ZNF487: variants seen among roughly 807,000 people sequenced by gnomAD.
ZNF487 encodes KRAB domain only 1.
A neutral mutation model predicts 3.0 loss-of-function variants in ZNF487; 4 were observed. The observed-to-expected ratio is 1.35, with a 90% confidence interval of 0.66 to 3.08. The LOEUF (loss-of-function observed/expected upper bound fraction) is 3.08, where lower values mean the gene tolerates loss of function less well. ZNF487 is among the 30% of genes most tolerant of loss of function. The pLI is 0.01. For missense variants in ZNF487, 146 were observed against 98.7 expected (o/e 1.48, Z -2.03); for synonymous variants, 55 against 34.6 (o/e 1.59, Z -2.06).
downstream of ZNF487, among the ~76,000 whole-genome samples, chr10:43,486,763 T>C (rs1258236498): frequency 6.6e-6 from 1 of 152,154 alleles, no homozygotes; most frequent in South Asian, 2.1e-4. Flanking sequence ...ACCTTGGTTA[T>C]AGAAAACTAT....
intron 1 of ZNF487, among the ~76,000 whole-genome samples, chr10:43,446,957 CGAGGCAGGCA>C (rs1290940785): frequency 2.0e-5 from 3 of 151,986 alleles, no homozygotes; most frequent in Admixed American, 6.6e-5. Context: ...CTCAGGAGGC[CGAGGCAGGCA>C]GATGACTCGA....
At chr10:43,455,332 C>T (rs757428084) in intron 1 of ZNF487, among the ~76,000 whole-genome samples, 1 of 152,172 alleles carries the variant, frequency 6.6e-6, no homozygotes, top group African/African-American at 2.4e-5. Context: ...TTTATTCACC[C>T]CCAAATTCTG....
the ZNF487 span, among the ~76,000 whole-genome samples, chr10:43,509,603 A>G: frequency 6.6e-6 from 1 of 151,966 alleles, no homozygotes; most frequent in African/African-American, 2.4e-5. Context: ...AAAGGATTGG[A>G]GTCCAATGTT....
chr10:43,456,107 C>T (rs1228039964), intron 1 of ZNF487, among the ~76,000 whole-genome samples: 1 of 152,184 alleles, frequency 6.6e-6, no homozygotes, highest in Non-Finnish European at 1.5e-5. Flanking sequence ...TGGAGGGCTG[C>T]GGGCCTCGTC....
chr10:43,470,772 A>T (rs1036924915), intron 1 of ZNF487, among the ~76,000 whole-genome samples: 4 of 150,640 alleles, frequency 2.7e-5, no homozygotes, highest in Admixed American at 1.3e-4. Context: ...TCCTACCTTG[A>T]CCTCCCAAAG....
chr10:43,446,992 G>C (rs575678685), intron 1 of ZNF487, among the ~76,000 whole-genome samples: 2 of 152,140 alleles, frequency 1.3e-5, no homozygotes, highest in African/African-American at 4.8e-5. Flanking sequence ...AGGAGCTGGA[G>C]ACCAGCCTGG....
At chr10:43,504,356 C>T in the ZNF487 span, among the ~76,000 whole-genome samples, 4 of 142,100 alleles carry the variant, frequency 2.8e-5, no homozygotes, top group South Asian at 4.4e-4. Flanking sequence ...TGCAATGACG[C>T]GATCTCGGCT....
the ZNF487 span, among the ~76,000 whole-genome samples, chr10:43,493,709 A>AAAAAAAAAAAATATATATAT: frequency 2.3e-5 from 1 of 43,714 alleles, no homozygotes; most frequent in African/African-American, 8.7e-5. Flanking sequence ...AAAAAAAAAA[A>AAAAAAAAAAAATATATATAT]ATATATATAT....
rs1311246364 is a variant in ZNF487 at position 43,464,202 on chromosome 10, G to A, written c.-93-11519G>A. Among the ~76,000 whole-genome samples, 3 of 92,996 alleles carry A rather than the reference G, an allele frequency of 3.2e-5. No homozygotes were observed. The South Asian group carries it at 9.5e-4, about 30-fold the overall frequency. 61.0% of individuals were successfully genotyped at this position (92,996 alleles called of 152,430 possible). ...TTTTTCTTTTTTTTTTTTTTGTTTTGAGACAACGTCTCACTGTGTCACCCA... is the reference window on the plus strand; with the variant it reads ...TTTTTCTTTTTTTTTTTTTTGTTTTAAGACAACGTCTCACTGTGTCACCCA... On this transcript the variant is annotated intron_variant, in intron 1 of 3. Coordinates refer to ENST00000437590, the MANE Select transcript of ZNF487 (RefSeq NM_001355444.3).
chr10:43,449,847 T>G (rs768238755), intron 1 of ZNF487, among the ~76,000 whole-genome samples: 1 of 151,818 alleles, frequency 6.6e-6, no homozygotes, highest in Non-Finnish European at 1.5e-5. Flanking sequence ...TCCTGGCTAA[T>G]TTTTGTATTA....
chr10:43,497,320 C>T, the ZNF487 span, among the ~76,000 whole-genome samples: 1 of 152,164 alleles, frequency 6.6e-6, no homozygotes, highest in Non-Finnish European at 1.5e-5. Flanking sequence ...TGTTTTTAAA[C>T]CCCTTTGGGG....
intron 1 of ZNF487, among the ~76,000 whole-genome samples, chr10:43,474,004 C>CA (rs1840999056): frequency 1.3e-5 from 2 of 151,494 alleles, no homozygotes; most frequent in Non-Finnish European, 2.9e-5. Flanking sequence ...TGTGAAAAGG[C>CA]AAAAAAATTA....
At chr10:43,498,160 C>G in the ZNF487 span, among the ~76,000 whole-genome samples, 4 of 85,368 alleles carry the variant, frequency 4.7e-5, no homozygotes, top group East Asian at 1.6e-3. Context: ...TGGAGTCTCA[C>G]TCTGTTGCCC....
At chr10:43,471,975 C>T (rs1318045927) in intron 1 of ZNF487, among the ~76,000 whole-genome samples, 1 of 152,168 alleles carries the variant, frequency 6.6e-6, no homozygotes, top group Non-Finnish European at 1.5e-5. Flanking sequence ...CAGTCTGGTC[C>T]AAGGATTTAA....
At chr10:43,515,597 C>G in the ZNF487 span, among the ~76,000 whole-genome samples, 15 of 152,212 alleles carry the variant, frequency 9.9e-5, no homozygotes, top group Non-Finnish European at 1.5e-4. Context: ...GCAATAGATA[C>G]CTAGCGTGGC....
At chr10:43,496,337 G>A in the ZNF487 span, among the ~76,000 whole-genome samples, 1 of 152,156 alleles carries the variant, frequency 6.6e-6, no homozygotes, top group Non-Finnish European at 1.5e-5. Context: ...AAAAGCTTAA[G>A]TGGAACTATT....
chr10:43,518,002 G>A, the ZNF487 span, among the ~76,000 whole-genome samples: 2 of 152,124 alleles, frequency 1.3e-5, no homozygotes, highest in South Asian at 2.1e-4. Context: ...TCAGGCAGTC[G>A]TCCTAGCACT....
chr10:43,451,393 G>A (rs1263705753), intron 1 of ZNF487, among the ~76,000 whole-genome samples: 1 of 151,504 alleles, frequency 6.6e-6, no homozygotes, highest in Non-Finnish European at 1.5e-5. Flanking sequence ...TTACAGGTGT[G>A]CGCCACCAGG....
chr10:43,444,641 C>T (rs1279207342), intron 1 of ZNF487, among the ~76,000 whole-genome samples: 2 of 152,176 alleles, frequency 1.3e-5, no homozygotes, highest in Non-Finnish European at 2.9e-5. Context: ...ATGATCTCAG[C>T]TCACTGCAAC....
Sources: gnomAD v4.1 joint callset for allele counts (sites outside exome capture counted in the v4.1 genomes callset) on GRCh38, gnomAD v4.1.1 for gene constraint, MANE v1.5 for transcripts, NCBI Gene and HGNC (gene_info 2026-07-23, HGNC 2026-07-21) for gene names.